Variants in CLCN3 observed in about 807,000 individuals in gnomAD.
CLCN3 encodes the protein H(+)/Cl(-) exchange transporter 3.
A neutral mutation model predicts 83.4 loss-of-function variants in CLCN3; 16 were observed. The observed-to-expected ratio is 0.19, with a 90% CI of 0.13 to 0.29. CLCN3 has a LOEUF of 0.29. CLCN3 is among the 10% of genes least tolerant of loss of function. The pLI, the probability that CLCN3 is intolerant of heterozygous loss-of-function variation, is 1.00. For missense variants in CLCN3, 544 were observed against 1,006.0 expected (o/e 0.54, Z 6.21); for synonymous variants, 322 against 346.2 (o/e 0.93, Z 0.78).
chr4:169,671,735 TCTGA>T (rs1321518843), intron 2 of CLCN3, among the ~76,000 whole-genome samples: 4 of 152,284 alleles, frequency 2.6e-5, no homozygotes, highest in African/African-American at 9.6e-5. Context: ...AATGGATGTC[TCTGA>T]CTGAATTGGT....
chr4:169,668,927 T>A (rs1731355399), intron 2 of CLCN3, among the ~76,000 whole-genome samples: 1 of 152,138 alleles, frequency 6.6e-6, no homozygotes, highest in Admixed American at 6.5e-5. Context: ...ACAGTTTGAT[T>A]GGTCTAACTT....
At chr4:169,716,251 T>C (rs560978775) in intron 12 of CLCN3, among the ~76,000 whole-genome samples, 1 of 152,330 alleles carries the variant, frequency 6.6e-6, no homozygotes, top group South Asian at 2.1e-4. Flanking sequence ...CTCCATCTTT[T>C]AGGGTTTTTA....
chr4:169,634,358 T>A (rs1297604710), intron 1 of CLCN3, among the ~76,000 whole-genome samples: 1 of 152,236 alleles, frequency 6.6e-6, no homozygotes. Context: ...CACAAAAATC[T>A]TAGCATACAT....
Position 169,713,136 on chromosome 4 carries a change from A to G in CLCN3, c.2207A>G (p.Gln736Arg). 6.2e-7 allele frequency: 1 copy of G among 1,614,232 alleles called. No homozygotes were observed. Among genetic ancestry groups the G allele is most frequent in the Non-Finnish European group, 8.5e-7 (1 of 1,180,032 alleles). ...IVGSSRVCFA[Q>R]HTPSLPAESP... ...GGCAGTTCTCGGGTGTGTTTTGCAC[A>G]GCACACCCCATCTCTTCCAGCAGAA... Residue 736 changes from glutamine to arginine, a missense_variant, in exon 12 of 13, where the codon CAG becomes CGG. This residue lies in a region of CLCN3 where 142 missense variants were observed against 225.0 expected (regional missense o/e 0.63). Transcript: ENST00000513761.
At chr4:169,647,572 G>A (rs1260090529) in intron 2 of CLCN3, among the ~76,000 whole-genome samples, 1 of 152,096 alleles carries the variant, frequency 6.6e-6, no homozygotes, top group Non-Finnish European at 1.5e-5. Context: ...AGGAACACAG[G>A]AACTTACCTG....
At chr4:169,666,775 A>T (rs1340100489) in intron 2 of CLCN3, among the ~76,000 whole-genome samples, 1 of 152,246 alleles carries the variant, frequency 6.6e-6, no homozygotes, top group Non-Finnish European at 1.5e-5. Context: ...ACTACTTGCT[A>T]GCGGTGTGAC....
chr4:169,670,446 G>C (rs1731413481), intron 2 of CLCN3, among the ~76,000 whole-genome samples: 1 of 152,114 alleles, frequency 6.6e-6, no homozygotes, highest in South Asian at 2.1e-4. Flanking sequence ...TGTTATTTCT[G>C]AGGTCTTTGT....
At chr4:169,675,472 A>G (rs1255055168) in intron 2 of CLCN3, among the ~76,000 whole-genome samples, 1 of 152,242 alleles carries the variant, frequency 6.6e-6, no homozygotes, top group Non-Finnish European at 1.5e-5. Context: ...TAAAAGTCCT[A>G]TAATAAAATA....
chr4:169,633,973 A>G (rs1233378325), intron 1 of CLCN3, among the ~76,000 whole-genome samples: 1 of 151,512 alleles, frequency 6.6e-6, no homozygotes, highest in Non-Finnish European at 1.5e-5. Context: ...TTTTATCTTA[A>G]GTTATCAAAT....
chr4:169,699,873 C>G (rs1288611053), intron 9 of CLCN3, among the ~76,000 whole-genome samples: 1 of 152,138 alleles, frequency 6.6e-6, no homozygotes, highest in Non-Finnish European at 1.5e-5. Flanking sequence ...CAGGGCAAGA[C>G]ACTGTCTCAA....
At chr4:169,711,635 C>T (rs1733220317) in intron 11 of CLCN3, among the ~76,000 whole-genome samples, 1 of 152,112 alleles carries the variant, frequency 6.6e-6, no homozygotes, top group African/African-American at 2.4e-5. Context: ...CAGACGTGAG[C>T]CACTGCGCCT....
chr4:169,712,021 A>ATTTTT (rs564857112), intron 11 of CLCN3, among the ~76,000 whole-genome samples: 70 of 114,940 alleles, frequency 6.1e-4, no homozygotes, highest in Non-Finnish European at 6.9e-4. Flanking sequence ...TGCTTGGCCG[A>ATTTTT]TTTTTTTTTT....
chr4:169,669,098 A>G (rs1256532934), intron 2 of CLCN3, among the ~76,000 whole-genome samples: 1 of 152,228 alleles, frequency 6.6e-6, no homozygotes, highest in African/African-American at 2.4e-5. Context: ...ATCAGGTTCT[A>G]TTACATAAAT....
In CLCN3 at chr4:169,713,307, A is replaced by G; in HGVS notation, c.2366+12A>G. On this transcript the variant is annotated intron_variant, in intron 12 of 12. Coordinates refer to ENST00000513761, the MANE Select transcript of CLCN3 (RefSeq NM_001829.4). ...GTAACTCACAATGGGTAAGTCTGGT[A>G]CCACAGGAATCAGTTCACTTGCTAG... 6.3e-7 allele frequency: 1 copy of G among 1,584,398 alleles called. No individual in the cohort carries two copies. Among genetic ancestry groups the G allele is most frequent in the Non-Finnish European group, 8.7e-7 (1 of 1,153,148 alleles).
intron 12 of CLCN3, among the ~76,000 whole-genome samples, chr4:169,719,648 C>G (rs1733558278): frequency 6.6e-6 from 1 of 151,300 alleles, no homozygotes; most frequent in Non-Finnish European, 1.5e-5. Context: ...CAAAATAGCT[C>G]TGCTTCATTG....
chr4:169,699,775 G>T (rs111543507), intron 9 of CLCN3, among the ~76,000 whole-genome samples: 15 of 152,094 alleles, frequency 9.9e-5, no homozygotes, highest in African/African-American at 3.6e-4. Flanking sequence ...CCGGCTACTC[G>T]AGAGGCTGAG....
rs1368650475 is a variant in CLCN3 at position 169,678,564 on chromosome 4, G to A, written c.161-1486G>A. Among the ~76,000 whole-genome samples, 4 of 152,082 alleles carry A rather than the reference G, an allele frequency of 2.6e-5. No individual in the cohort carries two copies. In the East Asian group the frequency reaches 5.8e-4, roughly 22 times the overall value. On this transcript the variant is annotated intron_variant, in intron 2 of 12. Transcript: ENST00000513761. ...GGTTTTCCTAGGCAGAGGACCCTGC[G>A]GCCTTCCACAGTGTTTGTGTCCCTG...
rs56266055 is a variant in CLCN3, at chr4:169,628,460, G to A, written c.-17+7397G>A. On this transcript the variant is annotated intron_variant, in intron 1 of 12. Transcript: ENST00000513761. ...TATAAAGAACTCTTAAAAGTCAACA[G>A]TATGAAAGCAGTCCAGCTAGAAAAC... 3.6e-3 allele frequency among the ~76,000 whole-genome samples: 544 copies of A among 152,272 alleles called. 3 individuals carry two copies. The highest frequency in any genetic ancestry group is 0.022 in the South Asian group (107 of 4,830).
Position 169,721,929 on chromosome 4 carries a change from G to C in CLCN3, c.*1932G>C, listed in dbSNP as rs533925384. On this transcript the variant is annotated 3_prime_UTR_variant, in exon 13 of 13. Coordinates refer to ENST00000513761, the MANE Select transcript of CLCN3 (RefSeq NM_001829.4). ...CCACCTGGGCTCAAGTGATACTCCC[G>C]CCTCAGCCACCCAAGTAGCTGGCAC... 1 of 151,994 alleles carries C rather than the reference G, an allele frequency of 6.6e-6. No individual in the cohort carries two copies. The highest frequency in any genetic ancestry group is 2.4e-5 in the African/African-American group (1 of 41,356). The allele number at this position is 151,994 out of a possible 1,614,324, so 9.4% of individuals were successfully genotyped here. A position where few individuals can be genotyped will look rare whatever the true frequency, so the allele number is the denominator to read the frequency against.
Sources: gnomAD v4.1 joint callset for allele counts (sites outside exome capture counted in the v4.1 genomes callset) on GRCh38, gnomAD v4.1.1 for gene constraint, gnomAD v4.1.1 regional missense constraint, MANE v1.5 for transcripts, NCBI Gene and HGNC (gene_info 2026-07-23, HGNC 2026-07-21) for gene names.